FHIT: variants seen among roughly 807,000 people sequenced by gnomAD.
The protein encoded by FHIT is bis(5'-adenosyl)-triphosphatase.
FHIT carries 19 observed loss-of-function variants against 17.9 expected under a neutral mutation model. The ratio of observed to expected loss-of-function variants is 1.06; its 90% CI spans 0.74 to 1.56. FHIT has a LOEUF of 1.56. Ranked by LOEUF, FHIT falls within the 40% of genes most tolerant of loss-of-function variation. The pLI is 0.00. For synonymous variants in FHIT, 81 were observed against 69.7 expected (o/e 1.16, Z -0.81); for missense variants, 248 against 189.2 (o/e 1.31, Z -1.82).
At chr3:60,722,199 C>T (rs79302695) in intron 4 of FHIT, among the ~76,000 whole-genome samples, 185 of 152,250 alleles carry the variant, frequency 1.2e-3, no homozygotes, top group African/African-American at 3.2e-3. Context: ...CCCATCTGAG[C>T]GACAGAACTG....
rs538097242 is a variant in FHIT at position 60,328,527 on chromosome 3, G to A, written c.103+208333C>T. ...TTGTGAGACTTACTAACTAACAGGA[G>A]AACAGCATAGGAAAAACCTGCCCCC... On this transcript the variant is annotated intron_variant, in intron 5 of 9. Coordinates refer to ENST00000492590, the MANE Select transcript of FHIT (RefSeq NM_002012.4). Among the ~76,000 whole-genome samples, 23 of 152,226 alleles carry A rather than the reference G, an allele frequency of 1.5e-4. No homozygotes were observed. The South Asian group carries it at 4.1e-3, about 27-fold the overall frequency.
Position 59,941,959 on chromosome 3 carries a change from C to T in FHIT, c.280-19545G>A, listed in dbSNP as rs115278708. On this transcript the variant is annotated intron_variant, in intron 7 of 9. Coordinates refer to ENST00000492590, the MANE Select transcript of FHIT (RefSeq NM_002012.4). ...ACCTTGGATGAGAGCTCACTCCTCT[C>T]GTGAACTAGACTTTTCCCTCAAGTG... 2.4e-3 allele frequency among the ~76,000 whole-genome samples: 367 copies of T among 152,286 alleles called. 2 individuals are homozygous for T. Among genetic ancestry groups the T allele is most frequent in the African/African-American group, 8.4e-3 (348 of 41,552 alleles).
At chr3:60,748,272 G>T (rs1376864912) in intron 4 of FHIT, among the ~76,000 whole-genome samples, 4 of 152,106 alleles carry the variant, frequency 2.6e-5, no homozygotes, top group African/African-American at 9.7e-5. Context: ...GTATTTGGGG[G>T]CCTGCAAATT....
chr3:60,131,829 T>C (rs890946066), intron 5 of FHIT, among the ~76,000 whole-genome samples: 1 of 152,086 alleles, frequency 6.6e-6, no homozygotes, highest in Non-Finnish European at 1.5e-5. Flanking sequence ...TTCCTATCTC[T>C]TCTCAAAGCC....
intron 2 of FHIT, among the ~76,000 whole-genome samples, chr3:61,135,413 C>A (rs2036886461): frequency 6.6e-6 from 1 of 152,170 alleles, no homozygotes; most frequent in African/African-American, 2.4e-5. Context: ...TAGTCATCAT[C>A]AAATAAATCA....
intron 7 of FHIT, among the ~76,000 whole-genome samples, chr3:59,967,249 T>C (rs1441658573): frequency 6.6e-6 from 1 of 152,174 alleles, no homozygotes; most frequent in African/African-American, 2.4e-5. Context: ...TAAAGTTATC[T>C]TTTTAAAAAA....
intron 3 of FHIT, among the ~76,000 whole-genome samples, chr3:60,909,260 T>C (rs977165462): frequency 6.6e-6 from 1 of 151,080 alleles, no homozygotes; most frequent in Non-Finnish European, 1.5e-5. Flanking sequence ...TCCCAGTTAC[T>C]CAGGAGGCTG....
At chr3:60,702,007 T>G (rs1553702300) in intron 4 of FHIT, among the ~76,000 whole-genome samples, 1 of 152,132 alleles carries the variant, frequency 6.6e-6, no homozygotes, top group African/African-American at 2.4e-5. Context: ...GCCAAGGTGG[T>G]TTCGCCACCA....
intron 5 of FHIT, among the ~76,000 whole-genome samples, chr3:60,392,949 G>A (rs573036051): frequency 1.1e-4 from 16 of 152,190 alleles, no homozygotes; most frequent in African/African-American, 2.4e-4. Context: ...AAGCTTTAGC[G>A]GAGAAACAGC....
intron 8 of FHIT, among the ~76,000 whole-genome samples, chr3:59,863,843 T>C (rs142790197): frequency 1.3e-5 from 2 of 152,322 alleles, no homozygotes; most frequent in Admixed American, 6.5e-5. Flanking sequence ...TGCTCACCCA[T>C]TGGCAAGGTG....
At chr3:60,376,479 A>T (rs961887952) in intron 5 of FHIT, among the ~76,000 whole-genome samples, 4 of 152,218 alleles carry the variant, frequency 2.6e-5, no homozygotes, top group Non-Finnish European at 4.4e-5. Context: ...TCATAAACAC[A>T]AACATACATA....
At position 60,950,334 on chromosome 3, in the gene FHIT, C is replaced by T. The variant is rs1221341173; in HGVS notation, c.-111+91713G>A. ...ACTGTAATATCATATTTATTGAGAG[C>T]TGTTATCTTTGTATACCATTGGTTT... On this transcript the variant is annotated intron_variant, in intron 3 of 9. Transcript: ENST00000492590. 2.0e-5 allele frequency among the ~76,000 whole-genome samples: 3 copies of T among 152,150 alleles called. 1 individual carries two copies. Among genetic ancestry groups the T allele is most frequent in the Middle Eastern group, 6.3e-3 (2 of 316 alleles).
chr3:59,986,477 G>T (rs1708906818), intron 7 of FHIT, among the ~76,000 whole-genome samples: 1 of 137,258 alleles, frequency 7.3e-6, no homozygotes, highest in Non-Finnish European at 1.5e-5. Context: ...AAAGGGCTCT[G>T]GGTATGAGAA....
At chr3:60,611,187 G>C (rs2038774496) in intron 4 of FHIT, among the ~76,000 whole-genome samples, 1 of 152,148 alleles carries the variant, frequency 6.6e-6, no homozygotes. Context: ...GGTACTGATG[G>C]GGGTGCCAAG....
intron 1 of FHIT, among the ~76,000 whole-genome samples, chr3:61,227,218 T>A (rs543462861): frequency 3.3e-5 from 5 of 152,184 alleles, no homozygotes; most frequent in Admixed American, 6.5e-5. Flanking sequence ...GAAGATATAA[T>A]GGAGTAAATG....
chr3:60,515,502 A>G (rs916134004), intron 5 of FHIT, among the ~76,000 whole-genome samples: 2 of 152,090 alleles, frequency 1.3e-5, no homozygotes, highest in Non-Finnish European at 2.9e-5. Flanking sequence ...CCACACAATT[A>G]AGATCAAGGC....
intron 7 of FHIT, among the ~76,000 whole-genome samples, chr3:59,926,971 T>A (rs978855400): frequency 2.0e-5 from 3 of 152,198 alleles, no homozygotes; most frequent in African/African-American, 4.8e-5. Flanking sequence ...CTGATCCTAA[T>A]ACATACCCAA....
At chr3:61,233,362 C>T (rs1171864697) in intron 1 of FHIT, among the ~76,000 whole-genome samples, 1 of 152,130 alleles carries the variant, frequency 6.6e-6, no homozygotes, top group Non-Finnish European at 1.5e-5. Context: ...TCTAAACAAT[C>T]CAGTAACATG....
chr3:60,316,888 A>C (rs1429445820), intron 5 of FHIT, among the ~76,000 whole-genome samples: 1 of 152,180 alleles, frequency 6.6e-6, no homozygotes, highest in Non-Finnish European at 1.5e-5. Flanking sequence ...AGGACTTTGG[A>C]TTACCTGCAG....
Sources: allele counts gnomAD v4.1 joint callset (sites outside exome capture counted in the v4.1 genomes callset), GRCh38; gene constraint gnomAD v4.1.1; transcripts MANE v1.5; gene names NCBI Gene and HGNC (gene_info 2026-07-23, HGNC 2026-07-21).